The following TRAF2 variants were observed in gnomAD, a reference collection of about 807,000 sequenced individuals.
The protein encoded by TRAF2 is TNF receptor-associated factor 2.
In TRAF2, 6 loss-of-function variants were observed where a neutral mutation model predicts 55.6. The ratio of observed to expected loss-of-function variants is 0.11; its 90% CI spans 0.06 to 0.21. The LOEUF is 0.21. TRAF2 is among the 10% of genes least tolerant of loss of function. The pLI, the probability that TRAF2 is intolerant of heterozygous loss-of-function variation, is 1.00. For missense variants in TRAF2, 561 were observed against 684.5 expected (o/e 0.82, Z 2.01); for synonymous variants, 329 against 276.3 (o/e 1.19, Z -1.89).
At chr9:136,914,326 C>A (rs2131319070) in intron 6 of TRAF2, among the ~76,000 whole-genome samples, 1 of 152,310 alleles carries the variant, frequency 6.6e-6, no homozygotes, top group East Asian at 1.9e-4. Flanking sequence ...CCCCCATTCC[C>A]AGCATGCTGC....
At chr9:136,900,912 C>T (rs1229493684) in intron 4 of TRAF2, among the ~76,000 whole-genome samples, 2 of 152,114 alleles carry the variant, frequency 1.3e-5, no homozygotes, top group African/African-American at 2.4e-5. Flanking sequence ...AAGGGGAGAT[C>T]GCTGTGCACC....
chr9:136,916,196 T>G (rs1850236946), intron 6 of TRAF2, among the ~76,000 whole-genome samples: 1 of 152,122 alleles, frequency 6.6e-6, no homozygotes, highest in African/African-American at 2.4e-5. Flanking sequence ...GGGCGTTTGA[T>G]TCTGGGTTTT....
At chr9:136,918,377 C>G (rs1850297887) in intron 7 of TRAF2, among the ~76,000 whole-genome samples, 1 of 150,844 alleles carries the variant, frequency 6.6e-6, no homozygotes, top group Non-Finnish European at 1.5e-5. Context: ...TCAAACAATT[C>G]TTGTGCCTCA....
At chr9:136,925,629 CAG>C (rs1850511884) in intron 10 of TRAF2, 52 bp from the exon 11 acceptor site, 14 of 1,581,112 alleles carry the variant, frequency 8.9e-6, no homozygotes, top group Middle Eastern at 1.8e-4. Flanking sequence ...CCTCGGGAGC[CAG>C]AGAGAGACGG....
intron 9 of TRAF2, among the ~76,000 whole-genome samples, chr9:136,922,980 G>A (rs1040265456): frequency 6.6e-6 from 1 of 152,050 alleles, no homozygotes; most frequent in African/African-American, 2.4e-5. Flanking sequence ...GGACGAGGAC[G>A]GAAGGGTGGT....
chr9:136,910,158 C>A, intron 6 of TRAF2, 164 bp downstream of exon 6: 1 of 748,808 alleles, frequency 1.3e-6, no homozygotes, highest in South Asian at 1.7e-5. Context: ...GGGTGGCGGC[C>A]GCTCTCCTGA....
chr9:136,890,726 C>T (rs907369053), intron 1 of TRAF2, among the ~76,000 whole-genome samples: 3 of 152,282 alleles, frequency 2.0e-5, no homozygotes, highest in East Asian at 3.9e-4. Flanking sequence ...CACAAAGAAC[C>T]CCAGAGTGTA....
intron 10 of TRAF2, among the ~76,000 whole-genome samples, 171 bp downstream of exon 10, chr9:136,924,171 G>A (rs1850465659): frequency 6.6e-6 from 1 of 152,184 alleles, no homozygotes; most frequent in Non-Finnish European, 1.5e-5. Context: ...GAGAGCTCTG[G>A]CAGTTTGTTG....
chr9:136,910,331 C>T (rs963796014), intron 6 of TRAF2, among the ~76,000 whole-genome samples: 5 of 152,200 alleles, frequency 3.3e-5, no homozygotes, highest in African/African-American at 9.7e-5. Flanking sequence ...TTGTTACTGA[C>T]TTTGAAGCTG....
chr9:136,908,528 C>G (rs1460369129), intron 5 of TRAF2, among the ~76,000 whole-genome samples: 1 of 152,154 alleles, frequency 6.6e-6, no homozygotes, highest in Non-Finnish European at 1.5e-5. Context: ...GAAGACCAGC[C>G]TGGCCAACAT....
At chr9:136,898,576 T>G in intron 1 of TRAF2, 137 bp from the exon 2 acceptor site, 1 of 1,453,576 alleles carries the variant, frequency 6.9e-7, no homozygotes, top group Non-Finnish European at 9.1e-7. Flanking sequence ...TCTGCGATTC[T>G]GCTTCTCTGA....
upstream of TRAF2, among the ~76,000 whole-genome samples, chr9:136,884,539 G>T (rs1368030731): frequency 1.3e-4 from 20 of 149,688 alleles, no homozygotes; most frequent in Non-Finnish European, 3.0e-4. Flanking sequence ...CAGCCTGGGT[G>T]ACAGAGCAAG....
At chr9:136,886,409 A>C (rs1849447740), upstream of TRAF2, 1 of 990,780 alleles carries the variant, frequency 1.0e-6, no homozygotes, top group Non-Finnish European at 1.2e-6. Context: ...CTCTCGCTAC[A>C]GCTTCCTGAG....
chr9:136,925,905 C>G lies in TRAF2; in HGVS notation c.*4C>G, dbSNP rs1244994050. Reference sequence around the variant, plus strand: ...TGTGGACCTGACAGGGCTCTAACTGCCCCCTACTGGTGTCTGGGGGTTGGG... The same window carrying G: ...TGTGGACCTGACAGGGCTCTAACTGGCCCCTACTGGTGTCTGGGGGTTGGG... On this transcript the variant is annotated 3_prime_UTR_variant, in exon 11 of 11. Transcript: ENST00000247668. 1 of 1,613,976 alleles carries G rather than the reference C, an allele frequency of 6.2e-7. No individual in the cohort carries two copies. Among genetic ancestry groups the G allele is most frequent in the Admixed American group, 1.7e-5 (1 of 60,030 alleles).
upstream of TRAF2, among the ~76,000 whole-genome samples, chr9:136,883,821 G>T (rs1332575502): frequency 6.9e-6 from 1 of 145,872 alleles, no homozygotes; most frequent in Non-Finnish European, 1.5e-5. Context: ...CGGGCCTTTT[G>T]TGTATTTTTT....
chr9:136,887,725 C>CT (rs1251886949), intron 1 of TRAF2, among the ~76,000 whole-genome samples: 2 of 152,136 alleles, frequency 1.3e-5, no homozygotes, highest in Non-Finnish European at 2.9e-5. Context: ...TGGGTGGACA[C>CT]TTGTAAGGTT....
Position 136,908,594 on chromosome 9 carries a change from C to T in TRAF2, c.528+363C>T, listed in dbSNP as rs542988347. On this transcript the variant is annotated intron_variant, in intron 5 of 10. Coordinates refer to ENST00000247668, the MANE Select transcript of TRAF2 (RefSeq NM_021138.4). ...AAAGTTAGCCAGGAGTGGCCAGGTG[C>T]GGCGGTTCATGCCTGTAATCCCAGC... Among the ~76,000 whole-genome samples, 34 of 152,214 alleles carry T rather than the reference C, an allele frequency of 2.2e-4. No homozygotes were observed. In the South Asian group the frequency reaches 6.0e-3, roughly 27 times the overall value.
intron 6 of TRAF2, among the ~76,000 whole-genome samples, chr9:136,913,180 CTGA>C (rs1450714297): frequency 6.6e-6 from 1 of 151,712 alleles, no homozygotes; most frequent in South Asian, 2.1e-4. Flanking sequence ...AACATGGCTT[CTGA>C]TGATGAGGCC....
Position 136,921,118 on chromosome 9 carries a change from A to G in TRAF2, c.1041A>G (p.Ala347=). ...DLEQKVLEME[A]STYDGVFIWK... is the part of the protein sequence containing the mutation. Reference sequence around the variant, plus strand: ...AGCAGAAGGTCTTGGAGATGGAGGCATCCACCTACGATGGGGTCTTCATCT... The same window carrying G: ...AGCAGAAGGTCTTGGAGATGGAGGCGTCCACCTACGATGGGGTCTTCATCT... The change falls in exon 9 of 11, where the codon GCA becomes GCG. Residue 347 remains alanine, a synonymous_variant. Transcript: ENST00000247668. The G allele has an allele frequency of 6.2e-7, 1 of 1,614,076 alleles. No individual in the cohort carries two copies. Among genetic ancestry groups the G allele is most frequent in the Non-Finnish European group, 8.5e-7 (1 of 1,179,998 alleles).
Sources: gnomAD v4.1 joint callset for allele counts (sites outside exome capture counted in the v4.1 genomes callset) on GRCh38, gnomAD v4.1.1 for gene constraint, MANE v1.5 for transcripts, NCBI Gene and HGNC (gene_info 2026-07-23, HGNC 2026-07-21) for gene names.